The following SEMA6C variants were observed in gnomAD, a reference collection of about 807,000 sequenced individuals.
SEMA6C encodes semaphorin-6C.
In SEMA6C, 37 loss-of-function variants were observed where a neutral mutation model predicts 72.9. The ratio of observed to expected loss-of-function variants is 0.51; its 90% CI spans 0.39 to 0.67. The LOEUF is 0.67. Among genes scored for constraint, SEMA6C ranks in the 30% least tolerant of loss-of-function variants. The pLI is 0.00. For missense variants in SEMA6C, 1,189 were observed against 1,263.6 expected (o/e 0.94, Z 0.89); for synonymous variants, 578 against 554.1 (o/e 1.04, Z -0.61).
In SEMA6C at chr1:151,133,065, C is replaced by T; in HGVS notation, c.2212G>A (p.Gly738Arg). ...AKEGPGRSRG[G>R]HAAGGPAPRV... ...GGCGCGGGCCCGCCCGCCGCGTGCC[C>T]GCCCCGTGAGCGGCCCGGACCCTCC... Residue 738 changes from glycine to arginine, a missense_variant, in exon 19 of 19, where the codon GGG (glycine) becomes AGG (arginine). By Grantham distance (125) the Gly-to-Arg change is moderately radical. Transcript: ENST00000368914. This position sits in a 1 kb window ranked among gnomAD's most constrained non-coding sequence, Gnocchi z 5.9. 11 of 1,474,820 alleles carry T rather than the reference C, an allele frequency of 7.5e-6. No homozygotes were observed. The highest frequency in any genetic ancestry group is 1.3e-5 in the South Asian group (1 of 76,990). 91.4% of individuals were successfully genotyped at this position (1,474,820 alleles called of 1,614,324 possible).
rs746996720 is a variant in SEMA6C at position 151,136,618 on chromosome 1, G to A, written c.975-39C>T. Reference sequence around the variant, plus strand: ...AAAAGATGCAGGATAGGTGCTGAAAGGAACTGCACAACTTCCCCCAGGAAG... The same window carrying A: ...AAAAGATGCAGGATAGGTGCTGAAAAGAACTGCACAACTTCCCCCAGGAAG... On this transcript the variant is annotated intron_variant, in intron 11 of 18. Transcript: ENST00000368914. 2.5e-6 allele frequency: 4 copies of A among 1,611,620 alleles called. No homozygotes were observed. The African/African-American group carries it at 5.3e-5, about 22-fold the overall frequency.
chr1:151,140,891 G>A (rs369887835), intron 3 of SEMA6C, among the ~76,000 whole-genome samples: 8 of 151,942 alleles, frequency 5.3e-5, no homozygotes, highest in East Asian at 3.9e-4. Flanking sequence ...CCAGCTACTC[G>A]GGAGGCTGAG....
At chr1:151,139,107 A>AAAAAG (rs1410273463) in intron 6 of SEMA6C, among the ~76,000 whole-genome samples, 7 of 151,770 alleles carry the variant, frequency 4.6e-5, no homozygotes, top group African/African-American at 1.7e-4. Context: ...AAAAAAAAAA[A>AAAAAG]AAAAGAAAAG....
In SEMA6C at chr1:151,133,311, G is replaced by A. The variant is rs749191289; in HGVS notation, c.1966C>T (p.Arg656Trp). Residue 656 changes from arginine to tryptophan, a missense_variant, in exon 19 of 19, where the codon CGG becomes TGG. Arg to Trp is a moderately radical substitution (Grantham distance 101). Transcript: ENST00000368914. The surrounding 1 kb of genome is among the most constrained non-coding windows in gnomAD (Gnocchi z 5.9). ...PRPLSLRSLA[R>W]LHGGGPEPPP... ...GGCTCTGGGCCCCCACCGTGGAGCC[G>A]GGCCAAACTGCGGAGGGAGAGAGGG... 3.1e-6 allele frequency: 5 copies of A among 1,587,918 alleles called. No individual in the cohort carries two copies. The African/African-American group carries it at 4.0e-5, about 13-fold the overall frequency.
chr1:151,136,736 C>A, intron 11 of SEMA6C, 121 bp downstream of exon 11: 1 of 1,340,468 alleles, frequency 7.5e-7, no homozygotes, highest in South Asian at 1.3e-5. Flanking sequence ...AATGGCAACA[C>A]AGCAAACTGG....
At chr1:151,142,362 A>C in intron 3 of SEMA6C, 142 bp downstream of exon 3, 1 of 906,400 alleles carries the variant, frequency 1.1e-6, no homozygotes, top group East Asian at 2.5e-5. Context: ...GTGTCAGCTC[A>C]CTCTACCTGT....
Position 151,145,087 on chromosome 1 carries a change from G to T in SEMA6C, c.-104-653C>A, listed in dbSNP as rs949995715. On this transcript the variant is annotated intron_variant, in intron 1 of 18. Transcript: ENST00000368914. The surrounding 1 kb of genome is among the most constrained non-coding windows in gnomAD (Gnocchi z 4.4). The stretch of plus-strand genomic sequence containing the variant: ...CATCTGGTCAGCTCCTCAACTCCTG[G>T]CCTGGAGAAAAGATCACTCTGCCCT... 6.6e-6 allele frequency: 1 copy of T among 152,318 alleles called. No homozygotes were observed. Among genetic ancestry groups the T allele is most frequent in the Non-Finnish European group, 1.5e-5 (1 of 68,162 alleles). 9.4% of individuals were successfully genotyped at this position (152,318 alleles called of 1,614,324 possible).
chr1:151,139,922 AGTCTGCCCAGGAGCATGCAT>A, intron 4 of SEMA6C, 34 bp downstream of exon 4: 1 of 1,539,434 alleles, frequency 6.5e-7, no homozygotes, highest in South Asian at 1.1e-5. Context: ...ACAGGTCCCA[AGTCTGCCCAGGAGCATGCAT>A]GTCTGCCCCA....
Position 151,132,980 on chromosome 1 carries a change from G to A in SEMA6C, c.2297C>T (p.Thr766Ile). Residue 766 changes from threonine (T) to isoleucine (I), a missense_variant, in exon 19 of 19, where the codon ACC becomes ATC. Thr to Ile is a moderately conservative substitution (Grantham distance 89, BLOSUM62 -1). Around this residue, in one of 2 missense-constraint regions of SEMA6C, gnomAD observed 721 missense variants for 686.2 expected, o/e 1.05. Transcript: ENST00000368914. Reference protein sequence around the residue: ...GCPGQAVEVTTLEELLRYLHG... With the variant: ...GCPGQAVEVTILEELLRYLHG... ...CAGGTAGCGCAGCAGTTCCTCCAGGGTGGTGACTTCCACGGCCTGCCCGGG... is the reference window on the plus strand; with the variant it reads ...CAGGTAGCGCAGCAGTTCCTCCAGGATGGTGACTTCCACGGCCTGCCCGGG... 3 of 1,413,874 alleles carry A rather than the reference G, an allele frequency of 2.1e-6. No homozygotes were observed. The South Asian group carries it at 3.8e-5, about 18-fold the overall frequency. The allele number at this position is 1,413,874 out of a possible 1,614,324, so 87.6% of individuals were successfully genotyped here. A position where few individuals can be genotyped will look rare whatever the true frequency, so the allele number is the denominator to read the frequency against.
At position 151,145,702 on chromosome 1, in the gene SEMA6C, T is replaced by A. The variant is rs868185243; in HGVS notation, c.-105+731A>T. On this transcript the variant is annotated intron_variant, in intron 1 of 18. Transcript: ENST00000368914. The surrounding 1 kb of genome is among the most constrained non-coding windows in gnomAD (Gnocchi z 4.4). ...GACGAAGAGGGGATAGGAGCGGGGGTTGGGGAGCGGAGGCGGGTCTCCCAG... is the reference window on the plus strand; with the variant it reads ...GACGAAGAGGGGATAGGAGCGGGGGATGGGGAGCGGAGGCGGGTCTCCCAG... 6.7e-6 allele frequency: 1 copy of A among 148,752 alleles called. No individual in the cohort carries two copies. Among genetic ancestry groups the A allele is most frequent in the South Asian group, 2.1e-4 (1 of 4,658 alleles). The allele number at this position is 148,752 out of a possible 1,614,324, so 9.2% of individuals were successfully genotyped here.
At position 151,145,179 on chromosome 1, in the gene SEMA6C, C is replaced by T. The variant is rs1008875852; in HGVS notation, c.-104-745G>A. The stretch of plus-strand genomic sequence containing the variant: ...TGGGAGAGACCTGGCCGACTCTCCC[C>T]TTTCCAGATCCTCCCGTTGCTGGGA... On this transcript the variant is annotated intron_variant, in intron 1 of 18. Coordinates refer to ENST00000368914, the MANE Select transcript of SEMA6C (RefSeq NM_030913.6). This position sits in a 1 kb window ranked among gnomAD's most constrained non-coding sequence, Gnocchi z 4.4. The T allele has an allele frequency of 1.3e-5, 2 of 152,324 alleles. No individual in the cohort carries two copies. Among genetic ancestry groups the T allele is most frequent in the Non-Finnish European group, 2.9e-5 (2 of 68,102 alleles). 9.4% of individuals were successfully genotyped at this position (152,324 alleles called of 1,614,324 possible).
intron 14 of SEMA6C, 58 bp downstream of exon 14, chr1:151,135,533 G>C: frequency 1.3e-6 from 2 of 1,556,350 alleles, no homozygotes; most frequent in Non-Finnish European, 1.7e-6. Context: ...CGAATCTGCA[G>C]CTGCTACCTC....
At position 151,137,774 on chromosome 1, in the gene SEMA6C, C is replaced by A; in HGVS notation, c.693G>T (p.Glu231Asp). Residue 231 changes from glutamate to aspartate, a missense_variant, in exon 10 of 19, where the codon GAG becomes GAT. Physicochemically the swap from Glu to Asp is conservative, Grantham distance 45. Transcript: ENST00000368914. ...AGAAGAAGTAGACATGGTCTCCATG[C>A]TCCAAGGCCTGGACAAAGTGTGGCT... ...LREPHFVQAL[E>D]HGDHVYFFFR... 6.2e-7 allele frequency: 1 copy of A among 1,613,756 alleles called. No individual in the cohort carries two copies. The highest frequency in any genetic ancestry group is 8.5e-7 in the Non-Finnish European group (1 of 1,179,720).
chr1:151,144,771 G>A (rs1323109725), intron 1 of SEMA6C, among the ~76,000 whole-genome samples: 1 of 152,170 alleles, frequency 6.6e-6, no homozygotes, highest in Non-Finnish European at 1.5e-5. Context: ...AGCCTTCTTA[G>A]CAAAAGCGCC....
chr1:151,136,430 C>A lies in SEMA6C; in HGVS notation c.1106+18G>T, dbSNP rs1453542042. ...CTGCTTGCTTCTGCCCCCACAAAAACAACTCCATCCTGGGTACCTGGGTGA... is the reference window on the plus strand; with the variant it reads ...CTGCTTGCTTCTGCCCCCACAAAAAAAACTCCATCCTGGGTACCTGGGTGA... On this transcript the variant is annotated intron_variant, in intron 12 of 18. Coordinates refer to ENST00000368914, the MANE Select transcript of SEMA6C (RefSeq NM_030913.6). 1.9e-6 allele frequency: 3 copies of A among 1,609,178 alleles called. No individual in the cohort carries two copies. Among genetic ancestry groups the A allele is most frequent in the East Asian group, 4.5e-5 (2 of 44,856 alleles).
chr1:151,139,936 C>G, intron 4 of SEMA6C, 40 bp downstream of exon 4: 1 of 1,580,002 alleles, frequency 6.3e-7, no homozygotes, highest in Non-Finnish European at 8.7e-7. Flanking sequence ...TGCCCAGGAG[C>G]ATGCATGTCT....
At position 151,134,810 on chromosome 1, in the gene SEMA6C, C is replaced by T. The variant is rs1681884735; in HGVS notation, c.1646G>A (p.Arg549Lys). 1 of 1,614,172 alleles carries T rather than the reference C, an allele frequency of 6.2e-7. No individual in the cohort carries two copies. The highest frequency in any genetic ancestry group is 1.3e-5 in the African/African-American group (1 of 75,044). ...ACCCATCACTTACCCACCAGATCCCCTGATATCCACACAGCCCCTGGAGCT... is the reference window on the plus strand; with the variant it reads ...ACCCATCACTTACCCACCAGATCCCTTGATATCCACACAGCCCCTGGAGCT... ...WHSSRGCVDI[R>K]GSGGTDVDQA... The change falls in exon 16 of 19, where the codon AGG (arginine) becomes AAG (lysine). Residue 549 changes from arginine to lysine, a missense_variant. Around this residue, in one of 2 missense-constraint regions of SEMA6C, gnomAD observed 721 missense variants for 686.2 expected, o/e 1.05. Coordinates refer to ENST00000368914, the MANE Select transcript of SEMA6C (RefSeq NM_030913.6).
intron 5 of SEMA6C, 62 bp from the exon 6 acceptor site, chr1:151,139,543 C>A: frequency 2.5e-6 from 4 of 1,602,912 alleles, no homozygotes; most frequent in Non-Finnish European, 1.7e-6. Flanking sequence ...CACATTATGG[C>A]TCCTTTTAGA....
intron 17 of SEMA6C, 70 bp downstream of exon 17, chr1:151,134,550 G>GGGAT: frequency 6.2e-7 from 1 of 1,605,476 alleles, no homozygotes; most frequent in Non-Finnish European, 8.5e-7. Flanking sequence ...GGCCAAGCCT[G>GGGAT]GGATGGTGTC....
Sources: gnomAD v4.1 joint callset for allele counts (sites outside exome capture counted in the v4.1 genomes callset) on GRCh38, gnomAD v4.1.1 for gene constraint, gnomAD v4.1.1 regional missense constraint, Gnocchi (gnomAD v3.1) non-coding constraint, MANE v1.5 for transcripts, NCBI Gene and HGNC (gene_info 2026-07-23, HGNC 2026-07-21) for gene names.